Variants in DNAH2 observed in about 807,000 individuals in gnomAD.
DNAH2 encodes the protein axonemal beta dynein heavy chain 2.
Under a neutral mutation model 523.5 loss-of-function variants are expected in DNAH2, and 323 were observed. The ratio of observed to expected loss-of-function variants is 0.62; its 90% CI spans 0.56 to 0.68. The LOEUF is 0.68. Among genes scored for constraint, DNAH2 ranks in the 30% least tolerant of loss-of-function variants. The pLI is 0.00. For synonymous variants in DNAH2, 2,093 were observed against 2,177.4 expected (o/e 0.96, Z 1.08); for missense variants, 4,907 against 5,701.5 (o/e 0.86, Z 4.49).
In DNAH2 at chr17:7,719,885, C is replaced by T. The variant is rs1461605047; in HGVS notation, c.151C>T (p.Pro51Ser). The T allele has an allele frequency of 1.3e-6, 2 of 1,556,796 alleles. No individual in the cohort carries two copies. Among genetic ancestry groups the T allele is most frequent in the Admixed American group, 1.9e-5 (1 of 51,986 alleles). ...TGAGCCAGAGCTGCAGGCTGAGCTCCCCAAGGAGGAGCCTGGTGGGTACTT... is the reference window on the plus strand; with the variant it reads ...TGAGCCAGAGCTGCAGGCTGAGCTCTCCAAGGAGGAGCCTGGTGGGTACTT... Reference protein sequence around the residue: ...VSEPELQAELPKEEPEPRLEG... With the variant: ...VSEPELQAELSKEEPEPRLEG... The change falls in exon 2 of 86, where the codon CCC becomes TCC. Residue 51 changes from proline to serine, a missense_variant. Around this residue, in one of 3 missense-constraint regions of DNAH2, gnomAD observed 2,806 missense variants for 3,190.8 expected, o/e 0.88. Coordinates refer to ENST00000572933, the MANE Select transcript of DNAH2 (RefSeq NM_020877.5).
At position 7,733,351 on chromosome 17, in the gene DNAH2, A is replaced by G. The variant is rs200142891; in HGVS notation, c.628+36A>G. The G allele has an allele frequency of 8.9e-5, 143 of 1,600,910 alleles. No homozygotes were observed. The African/African-American group carries it at 1.5e-3, about 17-fold the overall frequency. Reference sequence around the variant, plus strand: ...AGACCGGAGTGACTAGTTTCTCCTTAGTGTCCCCCAACTGTACAACTAGTG... The same window carrying G: ...AGACCGGAGTGACTAGTTTCTCCTTGGTGTCCCCCAACTGTACAACTAGTG... On this transcript the variant is annotated intron_variant, in intron 5 of 85. Coordinates refer to ENST00000572933, the MANE Select transcript of DNAH2 (RefSeq NM_020877.5).
At position 7,760,063 on chromosome 17, in the gene DNAH2, A is replaced by G. The variant is rs1188654493; in HGVS notation, c.2785+125A>G. On this transcript the variant is annotated intron_variant, in intron 17 of 85. Coordinates refer to ENST00000572933, the MANE Select transcript of DNAH2 (RefSeq NM_020877.5). This position sits in a 1 kb window ranked among gnomAD's most constrained non-coding sequence, Gnocchi z 4.0. ...GCCAGTCACCTCCCTGACCTGGGGAAAACTCAGGTCAAGGGGCCAGATCGG... is the reference window on the plus strand; with the variant it reads ...GCCAGTCACCTCCCTGACCTGGGGAGAACTCAGGTCAAGGGGCCAGATCGG... 6.2e-6 allele frequency: 9 copies of G among 1,446,028 alleles called. No individual in the cohort carries two copies. The highest frequency in any genetic ancestry group is 1.4e-5 in the African/African-American group (1 of 71,598). The allele number at this position is 1,446,028 out of a possible 1,614,324, so 89.6% of individuals were successfully genotyped here.
intron 49 of DNAH2, among the ~76,000 whole-genome samples, chr17:7,795,360 T>G (rs1423191403): frequency 6.6e-6 from 1 of 152,066 alleles, no homozygotes; most frequent in Non-Finnish European, 1.5e-5. Context: ...ATGAATATTT[T>G]GCATTCATTT....
At position 7,786,841 on chromosome 17, in the gene DNAH2, C is replaced by T. The variant is rs1247284703; in HGVS notation, c.6467-56C>T. On this transcript the variant is annotated intron_variant, in intron 41 of 85. Coordinates refer to ENST00000572933, the MANE Select transcript of DNAH2 (RefSeq NM_020877.5). The surrounding 1 kb of genome is among the most constrained non-coding windows in gnomAD (Gnocchi z 7.5). ...GGCTTGTGTCTCCGAGGAGCGTGAGCGGAGGGTGCAAGGTGAGCGGCTCCC... is the reference window on the plus strand; with the variant it reads ...GGCTTGTGTCTCCGAGGAGCGTGAGTGGAGGGTGCAAGGTGAGCGGCTCCC... The T allele has an allele frequency of 3.7e-5, 60 of 1,610,872 alleles. No individual in the cohort carries two copies. The highest frequency in any genetic ancestry group is 1.6e-4 in the Middle Eastern group (1 of 6,068).
rs900150234 is a variant in DNAH2 at position 7,733,048 on chromosome 17, G to T, written c.400-39G>T. On this transcript the variant is annotated intron_variant, in intron 4 of 85. Coordinates refer to ENST00000572933, the MANE Select transcript of DNAH2 (RefSeq NM_020877.5). ...TTTTGTGACTGGGTGTCATGGCTGG[G>T]CCTGGAGACTGAACTCTGATCTGCT... 8 of 1,603,862 alleles carry T rather than the reference G, an allele frequency of 5.0e-6. No homozygotes were observed. In the Admixed American group the frequency reaches 1.3e-4, roughly 27 times the overall value.
chr17:7,760,576 T>A lies in DNAH2; in HGVS notation c.2786-164T>A, dbSNP rs1033959828. On this transcript the variant is annotated intron_variant, in intron 17 of 85. Transcript: ENST00000572933. This position sits in a 1 kb window ranked among gnomAD's most constrained non-coding sequence, Gnocchi z 4.0. ...ATGAAGGAGACACTAAGAGTCACATTTTCACTTTCTGCCTACTCCTTTACC... is the reference window on the plus strand; with the variant it reads ...ATGAAGGAGACACTAAGAGTCACATATTCACTTTCTGCCTACTCCTTTACC... Among the ~76,000 whole-genome samples the A allele has an allele frequency of 6.6e-6, 1 of 152,106 alleles. No homozygotes were observed. Among genetic ancestry groups the A allele is most frequent in the Non-Finnish European group, 1.5e-5 (1 of 68,010 alleles).
chr17:7,806,216 T>C (rs946145506), intron 61 of DNAH2, among the ~76,000 whole-genome samples: 2 of 152,246 alleles, frequency 1.3e-5, no homozygotes, highest in Non-Finnish European at 2.9e-5. Flanking sequence ...AGGCTTAATG[T>C]AAGTGCTCTG....
intron 12 of DNAH2, among the ~76,000 whole-genome samples, chr17:7,750,746 GTTAGTGGAGATCTTCAGGGT>G (rs2075659965): frequency 6.6e-6 from 1 of 152,118 alleles, no homozygotes; most frequent in South Asian, 2.1e-4. Context: ...TACCACATAC[GTTAGTGGAGATCTTCAGGGT>G]TTGAAAAAAC....
chr17:7,792,825 G>A lies in DNAH2; in HGVS notation c.7314G>A (p.Trp2438Ter). 3.7e-6 allele frequency: 6 copies of A among 1,614,184 alleles called. No individual in the cohort carries two copies. The highest frequency in any genetic ancestry group is 4.2e-6 in the Non-Finnish European group (5 of 1,180,018). The part of the protein sequence containing the change: ...SVLQSLPSSQ[W>*]SVLVVNMSAQ... The stretch of plus-strand genomic sequence containing the variant: ...TGCAGTCCCTGCCCTCCAGCCAGTG[G>A]TCGGTGCTCGTTGTCAACATGTCCG... The change falls in exon 47 of 86, where the codon TGG (tryptophan) becomes TGA (stop). Residue 2438 changes from tryptophan (W) to a stop codon, truncating the protein, a stop_gained. Coordinates refer to ENST00000572933, the MANE Select transcript of DNAH2 (RefSeq NM_020877.5). LOFTEE classifies it high-confidence loss of function.
chr17:7,796,893 C>A (rs2077079021), intron 50 of DNAH2, among the ~76,000 whole-genome samples: 2 of 144,872 alleles, frequency 1.4e-5, no homozygotes, highest in Admixed American at 1.4e-4. Flanking sequence ...AGTTCAAGAC[C>A]AGCCTGGCCA....
At chr17:7,746,856 G>A (rs1312719976) in intron 12 of DNAH2, among the ~76,000 whole-genome samples, 2 of 152,006 alleles carry the variant, frequency 1.3e-5, no homozygotes, top group Non-Finnish European at 2.9e-5. Context: ...GCATGGTGGC[G>A]TGCGCCTGTA....
At chr17:7,752,110 G>C (rs1164465719) in intron 12 of DNAH2, among the ~76,000 whole-genome samples, 2 of 138,818 alleles carry the variant, frequency 1.4e-5, no homozygotes, top group African/African-American at 5.3e-5. Context: ...GGCCAACAGT[G>C]TTTTTTCTTT....
chr17:7,781,232 T>C, intron 39 of DNAH2, 65 bp downstream of exon 39: 1 of 1,592,842 alleles, frequency 6.3e-7, no homozygotes, highest in Non-Finnish European at 8.6e-7. Context: ...CCCAGCACTT[T>C]GGGAGGCCGA....
At chr17:7,721,978 C>T (rs1012281579) in intron 2 of DNAH2, among the ~76,000 whole-genome samples, 6 of 152,090 alleles carry the variant, frequency 3.9e-5, no homozygotes, top group Non-Finnish European at 7.4e-5. Context: ...ATTCCCTCAC[C>T]CCTACCCCAG....
rs1369182177 is a variant in DNAH2, at chr17:7,798,334, G to A, written c.8398+10G>A. The A allele has an allele frequency of 6.2e-7, 1 of 1,603,118 alleles. No homozygotes were observed. Among genetic ancestry groups the A allele is most frequent in the South Asian group, 1.1e-5 (1 of 90,216 alleles). Reference sequence around the variant, plus strand: ...CAGGAGTTCCGAGATGGTACGGCTGGGTTTCTGAAATGCTAGGAATAAAAG... The same window carrying A: ...CAGGAGTTCCGAGATGGTACGGCTGAGTTTCTGAAATGCTAGGAATAAAAG... On this transcript the variant is annotated intron_variant, in intron 54 of 85. Coordinates refer to ENST00000572933, the MANE Select transcript of DNAH2 (RefSeq NM_020877.5). This position sits in a 1 kb window ranked among gnomAD's most constrained non-coding sequence, Gnocchi z 5.5.
intron 11 of DNAH2, among the ~76,000 whole-genome samples, 196 bp downstream of exon 11, chr17:7,741,188 G>C (rs893482036): frequency 6.6e-6 from 1 of 151,930 alleles, no homozygotes; most frequent in Non-Finnish European, 1.5e-5. Context: ...TAGAACATGC[G>C]CCATTTTAGG....
Position 7,818,301 on chromosome 17 carries a change from C to T in DNAH2, c.10388-11C>T, listed in dbSNP as rs202012810. ...ATGGAGTCCTTGCCCCTGACCCTTC[C>T]GTGGATGCAGGTGGTCGGCTGTTGA... On this transcript the variant is annotated splice_polypyrimidine_tract_variant and intron_variant, in intron 68 of 85. Coordinates refer to ENST00000572933, the MANE Select transcript of DNAH2 (RefSeq NM_020877.5). 5.2e-5 allele frequency: 84 copies of T among 1,613,658 alleles called. No homozygotes were observed. Among genetic ancestry groups the T allele is most frequent in the African/African-American group, 2.3e-4 (17 of 75,036 alleles).
At chr17:7,727,754 C>CAAAAAAAAAA (rs766811062) in intron 4 of DNAH2, among the ~76,000 whole-genome samples, 26 of 48,966 alleles carry the variant, frequency 5.3e-4, no homozygotes, top group African/African-American at 1.9e-3. Flanking sequence ...GACTCTGTCT[C>CAAAAAAAAAA]AAAAAAAAAA....
rs750655898 is a variant in DNAH2 at position 7,725,437 on chromosome 17, T to TATATAC, written c.229-1681_229-1680insACATAT. 4.3e-3 allele frequency among the ~76,000 whole-genome samples: 629 copies of TATATAC among 146,040 alleles called. 13 individuals are homozygous for TATATAC. Among genetic ancestry groups the TATATAC allele is most frequent in the Non-Finnish European group, 8.0e-3 (532 of 66,586 alleles). On this transcript the variant is annotated intron_variant, in intron 3 of 85. Transcript: ENST00000572933. ...TTGACTTCAAGTGAATATATATATA[T>TATATAC]ATATTTTCTTTTTGAGACAGAGTCT...
Sources: gnomAD v4.1 joint callset for allele counts (sites outside exome capture counted in the v4.1 genomes callset) on GRCh38, gnomAD v4.1.1 for gene constraint, gnomAD v4.1.1 regional missense constraint, Gnocchi (gnomAD v3.1) non-coding constraint, MANE v1.5 for transcripts, NCBI Gene and HGNC (gene_info 2026-07-23, HGNC 2026-07-21) for gene names.